Variants in SYNPO2 observed in about 807,000 individuals in gnomAD.
SYNPO2 encodes the protein synaptopodin 2.
SYNPO2 carries 56 observed loss-of-function variants against 85.0 expected under a neutral mutation model. The ratio of observed to expected loss-of-function variants is 0.66; its 90% CI spans 0.53 to 0.82. The LOEUF (loss-of-function observed/expected upper bound fraction) is 0.82. SYNPO2 is among the 40% of genes least tolerant of loss of function. The probability of loss-of-function intolerance (pLI) is 0.00; values close to 1 mark genes in which losing one functional copy is unlikely to be tolerated. For missense variants in SYNPO2, 1,575 were observed against 1,534.2 expected, an observed-to-expected ratio of 1.03 and a Z score of -0.44; for synonymous variants, 602 against 591.1, an observed-to-expected ratio of 1.02 and a Z score of -0.27.
intron 1 of SYNPO2, among the ~76,000 whole-genome samples, chr4:118,983,074 A>G (rs1210734362): frequency 1.3e-5 from 2 of 152,098 alleles, no homozygotes; most frequent in African/African-American, 4.8e-5. Flanking sequence ...CAAATCTCCA[A>G]ACAGAAACTC....
chr4:119,012,393 T>TTTTTTTTTA (rs1553946399), intron 1 of SYNPO2, among the ~76,000 whole-genome samples: 162 of 130,636 alleles, frequency 1.2e-3, no homozygotes, highest in Non-Finnish European at 1.5e-3. Flanking sequence ...TTTTTTTTTT[T>TTTTTTTTTA]ATTTTACTTT....
Position 119,031,279 on chromosome 4 carries a change from T to TA in SYNPO2, c.2505dup (p.Ala836SerfsTer29). 6.2e-7 allele frequency: 1 copy of TA among 1,614,146 alleles called. No individual in the cohort carries two copies. Among genetic ancestry groups the TA allele is most frequent in the Non-Finnish European group, 8.5e-7 (1 of 1,180,026 alleles). Reference sequence around the variant, plus strand: ...CCCTTCAAAGGACCACAAGCAGCAGTAGCCAGTCAGAATTACACACCCAAA... The same window carrying TA: ...CCCTTCAAAGGACCACAAGCAGCAGTAAGCCAGTCAGAATTACACACCCAAA... On this transcript the variant is annotated frameshift_variant, in exon 4 of 5. Transcript: ENST00000307142. LOFTEE classifies it high-confidence loss of function.
intron 1 of SYNPO2, among the ~76,000 whole-genome samples, chr4:119,014,415 A>AAAAT (rs769647824): frequency 7.9e-5 from 12 of 152,306 alleles, no homozygotes; most frequent in East Asian, 1.9e-4. Flanking sequence ...CTCCATCTCA[A>AAAAT]AAATAAATAA....
chr4:119,007,216 G>GTATATATATATATATATA (rs66895824), intron 1 of SYNPO2, among the ~76,000 whole-genome samples: 1 of 46,284 alleles, frequency 2.2e-5, no homozygotes, highest in Non-Finnish European at 4.3e-5. Context: ...AAGAACAAAG[G>GTATATATATATATATATA]TATATATATA....
intron 1 of SYNPO2, among the ~76,000 whole-genome samples, chr4:119,019,705 C>T (rs1231945804): frequency 6.6e-6 from 1 of 152,112 alleles, no homozygotes; most frequent in Non-Finnish European, 1.5e-5. Flanking sequence ...CACCATTTTA[C>T]ACTTTAGAAA....
chr4:118,998,515 A>C (rs1736701970), intron 1 of SYNPO2, among the ~76,000 whole-genome samples: 1 of 152,204 alleles, frequency 6.6e-6, no homozygotes, highest in Non-Finnish European at 1.5e-5. Flanking sequence ...AAAACAGGCA[A>C]GTTTACATGT....
At chr4:118,965,758 C>T (rs909828598) in intron 1 of SYNPO2, among the ~76,000 whole-genome samples, 1 of 152,044 alleles carries the variant, frequency 6.6e-6, no homozygotes, top group Non-Finnish European at 1.5e-5. Flanking sequence ...CATGGATTTA[C>T]ATTCTGGGAA....
At chr4:118,868,333 A>G (rs1288416444) in intron 1 of SYNPO2, among the ~76,000 whole-genome samples, 3 of 152,136 alleles carry the variant, frequency 2.0e-5, no homozygotes, top group Admixed American at 6.5e-5. Flanking sequence ...CCTGTGAATT[A>G]AATTTTCTTA....
At chr4:119,051,228 C>G (rs111636961) in intron 4 of SYNPO2, among the ~76,000 whole-genome samples, 2,084 of 118,204 alleles carry the variant, frequency 0.018, 52 homozygotes, top group African/African-American at 0.051. Flanking sequence ...CTCGCTCTGT[C>G]GCCCAGGCTG....
intron 1 of SYNPO2, among the ~76,000 whole-genome samples, chr4:118,858,389 C>T (rs926579482): frequency 6.6e-6 from 1 of 152,116 alleles, no homozygotes; most frequent in Non-Finnish European, 1.5e-5. Context: ...ATGTTATCAC[C>T]TCACAATTTC....
intron 1 of SYNPO2, among the ~76,000 whole-genome samples, chr4:118,941,961 A>G (rs1188600161): frequency 6.6e-6 from 1 of 152,184 alleles, no homozygotes; most frequent in Non-Finnish European, 1.5e-5. Flanking sequence ...CATAGGAGCT[A>G]TCCCTGGTTG....
intron 1 of SYNPO2, among the ~76,000 whole-genome samples, chr4:118,852,954 C>T (rs1731444824): frequency 6.6e-6 from 1 of 152,138 alleles, no homozygotes; most frequent in African/African-American, 2.4e-5. Flanking sequence ...TTAATATTAC[C>T]ATCAATTTCA....
chr4:118,906,067 A>C (rs1732927347), intron 1 of SYNPO2, among the ~76,000 whole-genome samples: 1 of 152,208 alleles, frequency 6.6e-6, no homozygotes, highest in Non-Finnish European at 1.5e-5. Context: ...AACATATGCC[A>C]CATAACATGT....
chr4:118,925,349 A>C (rs560935913), intron 1 of SYNPO2, among the ~76,000 whole-genome samples: 1 of 152,312 alleles, frequency 6.6e-6, no homozygotes, highest in East Asian at 1.9e-4. Flanking sequence ...GTTTTAAACC[A>C]GATGACTGTT....
At chr4:118,880,897 A>G (rs111367930) in intron 1 of SYNPO2, among the ~76,000 whole-genome samples, 3,830 of 152,214 alleles carry the variant, frequency 0.025, 68 homozygotes, top group African/African-American at 0.04. Flanking sequence ...TGCAATATTT[A>G]TTAGTAAAAC....
chr4:119,031,073 G>A lies in SYNPO2; in HGVS notation c.2298G>A (p.Lys766=), dbSNP rs763455307. 6.2e-7 allele frequency: 1 copy of A among 1,614,084 alleles called. No homozygotes were observed. Among genetic ancestry groups the A allele is most frequent in the African/African-American group, 1.3e-5 (1 of 75,012 alleles). ...CTGTTGCTCCAAAACCTGCAGTCAA[G>A]TCCTCATCCTCCCAACCAGTAACTC... ...PPPVAPKPAV[K]SSSSQPVTPV... is the part of the protein sequence containing the mutation. Residue 766 remains lysine, a synonymous_variant, in exon 4 of 5, where the codon AAG becomes AAA. Coordinates refer to ENST00000307142, the MANE Select transcript of SYNPO2 (RefSeq NM_133477.3).
At chr4:119,018,507 C>A (rs901137426) in intron 1 of SYNPO2, among the ~76,000 whole-genome samples, 1 of 152,080 alleles carries the variant, frequency 6.6e-6, no homozygotes, top group Admixed American at 6.6e-5. Context: ...TTCTGAGGAA[C>A]CTCCATATGG....
intron 1 of SYNPO2, among the ~76,000 whole-genome samples, chr4:119,000,780 T>C: frequency 6.6e-6 from 1 of 152,232 alleles, no homozygotes; most frequent in Non-Finnish European, 1.5e-5. Context: ...CAAAAACTTT[T>C]AATTCCACTT....
chr4:118,919,831 G>A (rs1733475481), intron 1 of SYNPO2, among the ~76,000 whole-genome samples: 1 of 152,204 alleles, frequency 6.6e-6, no homozygotes, highest in African/African-American at 2.4e-5. Context: ...TACAACCAGA[G>A]GCTCACTATG....
Sources: allele counts gnomAD v4.1 joint callset (sites outside exome capture counted in the v4.1 genomes callset), GRCh38; gene constraint gnomAD v4.1.1; transcripts MANE v1.5; gene names NCBI Gene and HGNC (gene_info 2026-07-23, HGNC 2026-07-21).